SLC51A: variants seen among roughly 807,000 people sequenced by gnomAD.
SLC51A encodes organic solute transporter subunit alpha.
A neutral mutation model predicts 34.8 loss-of-function variants in SLC51A; 22 were observed. That is an observed-to-expected ratio of 0.63 (90% CI 0.45 to 0.90). SLC51A has a LOEUF of 0.90. Ranked by LOEUF, SLC51A falls within the 40% of genes least tolerant of loss-of-function variation. The probability of loss-of-function intolerance (pLI) is 0.00; values close to 1 mark genes in which losing one functional copy is unlikely to be tolerated. For synonymous variants in SLC51A, 181 were observed against 176.3 expected, an observed-to-expected ratio of 1.03 and a Z score of -0.21; for missense variants, 371 against 414.8, an observed-to-expected ratio of 0.89 and a Z score of 0.92.
intron 7 of SLC51A, among the ~76,000 whole-genome samples, chr3:196,230,287 A>T (rs909899529): frequency 9.2e-5 from 14 of 152,180 alleles, no homozygotes; most frequent in African/African-American, 3.4e-4. Flanking sequence ...CAGATGGCTT[A>T]AAACAACAGA....
intron 6 of SLC51A, 24 bp from the exon 7 acceptor site, chr3:196,229,891 C>T: frequency 6.3e-7 from 1 of 1,582,046 alleles, no homozygotes; most frequent in Non-Finnish European, 8.6e-7. Context: ...GCCTGCCTCA[C>T]TGACTACTTT....
At chr3:196,217,686 A>AAAGG (rs1002484448) in intron 1 of SLC51A, among the ~76,000 whole-genome samples, 156 bp from the exon 2 acceptor site, 1 of 151,852 alleles carries the variant, frequency 6.6e-6, no homozygotes, top group Admixed American at 6.6e-5. Context: ...AGAGAGAGTG[A>AAAGG]AAGGAAGGAA....
Position 196,217,845 on chromosome 3 carries a change from C to T in SLC51A, c.42C>T (p.Tyr14=). 6 of 1,613,496 alleles carry T rather than the reference C, an allele frequency of 3.7e-6. No individual in the cohort carries two copies. The highest frequency in any genetic ancestry group is 1.3e-5 in the African/African-American group (1 of 75,050). The change falls in exon 2 of 9, where the codon TAC becomes TAT. Residue 14 remains tyrosine (Y), a synonymous_variant. Coordinates refer to ENST00000296327, the MANE Select transcript of SLC51A (RefSeq NM_152672.6). The part of the protein sequence containing the change: ...GRTQIKLDPR[Y]TADLLEVLKT... The stretch of plus-strand genomic sequence containing the variant: ...GCACAGGCTGGTGTCTCGCCAGGTA[C>T]ACAGCAGATCTTCTGGAGGTGCTGA...
chr3:196,232,314 G>A (rs2108757739), intron 7 of SLC51A, 105 bp from the exon 8 acceptor site: 1 of 781,562 alleles, frequency 1.3e-6, no homozygotes, highest in East Asian at 2.5e-5. Flanking sequence ...CTGACGGTGG[G>A]TGGAACCTGC....
At chr3:196,233,041 T>C (rs2108758066) in intron 8 of SLC51A, 22 bp from the exon 9 acceptor site, 1 of 1,612,932 alleles carries the variant, frequency 6.2e-7, no homozygotes, top group East Asian at 2.2e-5. Context: ...TAACCTACGC[T>C]GTATTTCACC....
At position 196,220,014 on chromosome 3, in the gene SLC51A, G is replaced by A. The variant is rs558028383; in HGVS notation, c.133+2078G>A. ...CAGAGTGGGGAGGATTTGGCCAGCGGGCCCTCCTGGGACAGGGAAGCTGCG... is the reference window on the plus strand; with the variant it reads ...CAGAGTGGGGAGGATTTGGCCAGCGAGCCCTCCTGGGACAGGGAAGCTGCG... On this transcript the variant is annotated intron_variant, in intron 2 of 8. Transcript: ENST00000296327. Among the ~76,000 whole-genome samples, 4 of 152,358 alleles carry A rather than the reference G, an allele frequency of 2.6e-5. No homozygotes were observed. The South Asian group carries it at 8.3e-4, about 32-fold the overall frequency.
chr3:196,217,712 AAGAGAGAG>A (rs1009280224), intron 1 of SLC51A, 122 bp from the exon 2 acceptor site: 2 of 630,998 alleles, frequency 3.2e-6, no homozygotes, highest in African/African-American at 3.7e-5. Flanking sequence ...GAAAGAAAGA[AAGAGAGAG>A]AAAGAGGCCC....
rs951180434 is a variant in SLC51A, at chr3:196,228,257, C to G, written c.505C>G (p.Arg169Gly). 6.2e-7 allele frequency: 1 copy of G among 1,611,930 alleles called. No individual in the cohort carries two copies. The highest frequency in any genetic ancestry group is 1.3e-5 in the African/African-American group (1 of 74,942). The part of the protein sequence containing the change: ...PCCCCCPCCP[R>G]LLLTRKKLQL... ...CTGCTGCTGCTGCCCCTGCTGTCCA[C>G]GGCTGCTGCTCACCAGGTGAGGCGG... is the stretch of plus-strand genomic sequence containing the variant. Residue 169 changes from arginine (R) to glycine (G), a missense_variant, in exon 5 of 9, where the codon CGG becomes GGG. Physicochemically the swap from Arg to Gly is moderately radical, Grantham distance 125 (BLOSUM62 -2). Coordinates refer to ENST00000296327, the MANE Select transcript of SLC51A (RefSeq NM_152672.6). This position sits in a 1 kb window ranked among gnomAD's most constrained non-coding sequence, Gnocchi z 4.9.
intron 6 of SLC51A, 60 bp from the exon 7 acceptor site, chr3:196,229,855 A>AAGAGAGAG: frequency 7.2e-7 from 1 of 1,393,854 alleles, no homozygotes. Flanking sequence ...CATCTCTTGA[A>AAGAGAGAG]AGAGAGAGAG....
At chr3:196,219,617 C>A (rs1055171704) in intron 2 of SLC51A, among the ~76,000 whole-genome samples, 11 of 151,864 alleles carry the variant, frequency 7.2e-5, no homozygotes, top group African/African-American at 1.2e-4. Flanking sequence ...GTGGCTGCTA[C>A]ATCTAGTTCC....
At chr3:196,229,602 C>T (rs551757678) in intron 6 of SLC51A, among the ~76,000 whole-genome samples, 1 of 151,238 alleles carries the variant, frequency 6.6e-6, no homozygotes, top group South Asian at 2.1e-4. Flanking sequence ...GTCTTGAACA[C>T]CTGACCTCAG....
In SLC51A at chr3:196,227,108, T is replaced by C; in HGVS notation, c.277T>C (p.Ser93Pro). ...IKRRTLLWKS[S>P]APTVVSVLCC... is the part of the protein sequence containing the mutation. ...GAGGCGGACTCTGCTCTGGAAGAGC[T>C]CGGCACCCACGGTGAGGCCCCCGGG... The change falls in exon 3 of 9, where the codon TCG becomes CCG. Residue 93 changes from serine (S) to proline (P), a missense_variant. By Grantham distance (74) the Ser-to-Pro change is moderately conservative. Transcript: ENST00000296327. 6.2e-7 allele frequency: 1 copy of C among 1,613,836 alleles called. No homozygotes were observed. Among genetic ancestry groups the C allele is most frequent in the Non-Finnish European group, 8.5e-7 (1 of 1,180,012 alleles).
intron 2 of SLC51A, among the ~76,000 whole-genome samples, chr3:196,224,518 C>G (rs1723844876): frequency 6.6e-6 from 1 of 151,458 alleles, no homozygotes; most frequent in Non-Finnish European, 1.5e-5. Context: ...ATGGCGAAAA[C>G]CGTCTCTACT....
At chr3:196,219,531 T>A (rs1261953441) in intron 2 of SLC51A, among the ~76,000 whole-genome samples, 1 of 152,222 alleles carries the variant, frequency 6.6e-6, no homozygotes, top group Non-Finnish European at 1.5e-5. Flanking sequence ...TCATTTCAGA[T>A]GATCTGAACC....
chr3:196,217,806 C>G, intron 1 of SLC51A, 36 bp from the exon 2 acceptor site: 1 of 1,594,106 alleles, frequency 6.3e-7, no homozygotes, highest in Non-Finnish European at 8.6e-7. Context: ...TTCCCCCAGC[C>G]CCCATGGTTC....
Position 196,228,896 on chromosome 3 carries a change from C to T in SLC51A, c.609C>T (p.Pro203=), listed in dbSNP as rs144417558. ...TLTLVGLFLV[P]DGIYDPADIS... ...CCCTGGTGGGCCTGTTTCTCGTCCC[C>T]GACGGCATCTATGACCCAGCAGACG... is the stretch of plus-strand genomic sequence containing the variant. The change falls in exon 6 of 9, where the codon CCC becomes CCT. Residue 203 remains proline, a synonymous_variant. Coordinates refer to ENST00000296327, the MANE Select transcript of SLC51A (RefSeq NM_152672.6). This position sits in a 1 kb window ranked among gnomAD's most constrained non-coding sequence, Gnocchi z 4.9. 109 of 1,614,078 alleles carry T rather than the reference C, an allele frequency of 6.8e-5. No homozygotes were observed. The African/African-American group carries it at 1.0e-3, about 15-fold the overall frequency.
At position 196,228,381 on chromosome 3, in the gene SLC51A, C is replaced by T. The variant is rs577285543; in HGVS notation, c.521+108C>T. 2,392 of 1,400,818 alleles carry T rather than the reference C, an allele frequency of 1.7e-3. 4 individuals carry two copies. Among genetic ancestry groups the T allele is most frequent in the Admixed American group, 2.0e-3 (75 of 36,818 alleles). 86.8% of individuals were successfully genotyped at this position (1,400,818 alleles called of 1,614,324 possible). The stretch of plus-strand genomic sequence containing the variant: ...GGCGTGAATAGGCCAAAGCCAGTGA[C>T]GGAAGGGTGGGCATCCCACGGCCAG... On this transcript the variant is annotated intron_variant, in intron 5 of 8. Transcript: ENST00000296327. This position sits in a 1 kb window ranked among gnomAD's most constrained non-coding sequence, Gnocchi z 4.9.
rs890785880 is a variant in SLC51A at position 196,227,868 on chromosome 3, C to T, written c.362+131C>T. 1.9e-5 allele frequency: 19 copies of T among 982,328 alleles called. No homozygotes were observed. The East Asian group carries it at 2.3e-4, about 12-fold the overall frequency. 60.9% of individuals were successfully genotyped at this position (982,328 alleles called of 1,614,324 possible). ...AGCTTGTGCTAGTTCCGGGCTCTTG[C>T]GCTCCTGGCTCTGCTCAGGGAATGC... is the stretch of plus-strand genomic sequence containing the variant. On this transcript the variant is annotated intron_variant, in intron 4 of 8. Coordinates refer to ENST00000296327, the MANE Select transcript of SLC51A (RefSeq NM_152672.6).
At chr3:196,222,591 C>T (rs1577345164) in intron 2 of SLC51A, among the ~76,000 whole-genome samples, 1 of 150,778 alleles carries the variant, frequency 6.6e-6, no homozygotes, top group East Asian at 1.9e-4. Flanking sequence ...GCCGAGATCG[C>T]GCCACTGCAC....
Sources: gnomAD v4.1 joint callset for allele counts (sites outside exome capture counted in the v4.1 genomes callset) on GRCh38, gnomAD v4.1.1 for gene constraint, Gnocchi (gnomAD v3.1) non-coding constraint, MANE v1.5 for transcripts, NCBI Gene and HGNC (gene_info 2026-07-23, HGNC 2026-07-21) for gene names.